Variants in NBAS observed in about 807,000 individuals in gnomAD.
The protein encoded by NBAS is NBAS subunit of NRZ tethering complex.
Under a neutral mutation model 302.5 loss-of-function variants are expected in NBAS, and 219 were observed. That is an observed-to-expected ratio of 0.72 (90% confidence interval 0.65 to 0.81). The LOEUF (loss-of-function observed/expected upper bound fraction) is 0.81. NBAS is among the 30% of genes least tolerant of loss of function. The pLI, the probability that NBAS is intolerant of heterozygous loss-of-function variation, is 0.00. For synonymous variants in NBAS, 1,118 were observed against 1,021.6 expected, an observed-to-expected ratio of 1.09 and a Z score of -1.80; for missense variants, 2,932 against 2,841.6, an observed-to-expected ratio of 1.03 and a Z score of -0.72.
At chr2:15,417,788 C>T (rs1455431159) in intron 23 of NBAS, 76 bp from the exon 24 acceptor site, 20 of 1,366,412 alleles carry the variant, frequency 1.5e-5, no homozygotes, top group Admixed American at 2.0e-5. Context: ...GTCTCCAGTA[C>T]AGAATCTAAT....
the NBAS span, among the ~76,000 whole-genome samples, chr2:14,996,153 G>C: frequency 6.6e-6 from 1 of 152,154 alleles, no homozygotes; most frequent in Non-Finnish European, 1.5e-5. Flanking sequence ...TCTGAATCCA[G>C]AGAAGACAGA....
the NBAS span, among the ~76,000 whole-genome samples, chr2:14,929,687 A>AT: frequency 2.1e-3 from 314 of 149,620 alleles, no homozygotes; most frequent in East Asian, 8.2e-3. Context: ...CCAACAGTAA[A>AT]TTTTTTTTTT....
At chr2:15,539,197 GT>G in intron 7 of NBAS, 25 bp downstream of exon 7, 1 of 1,613,760 alleles carries the variant, frequency 6.2e-7, no homozygotes, top group Non-Finnish European at 8.5e-7. Flanking sequence ...AAAAAACTAT[GT>G]TTTCAATTTA....
intron 40 of NBAS, among the ~76,000 whole-genome samples, chr2:15,297,425 C>T (rs769901243): frequency 6.6e-6 from 1 of 152,180 alleles, no homozygotes; most frequent in African/African-American, 2.4e-5. Flanking sequence ...CTGAAAAAGG[C>T]CCTGGTGGGA....
intron 26 of NBAS, among the ~76,000 whole-genome samples, chr2:15,399,867 GAAAGA>G (rs777498359): frequency 9.2e-5 from 14 of 152,176 alleles, no homozygotes; most frequent in South Asian, 4.2e-4. Flanking sequence ...AACAATACTA[GAAAGA>G]AAAGACAAGA....
chr2:14,980,596 T>G, the NBAS span, among the ~76,000 whole-genome samples: 1 of 152,256 alleles, frequency 6.6e-6, no homozygotes, highest in Admixed American at 6.5e-5. Flanking sequence ...AGAAACACTA[T>G]GCCCACCCAG....
the NBAS span, among the ~76,000 whole-genome samples, chr2:15,095,282 A>C: frequency 1.3e-5 from 2 of 152,184 alleles, no homozygotes; most frequent in African/African-American, 2.4e-5. Flanking sequence ...TAATTTACAA[A>C]AGAAAGAGGT....
chr2:15,500,057 T>C (rs1185322146), intron 11 of NBAS, among the ~76,000 whole-genome samples: 1 of 152,208 alleles, frequency 6.6e-6, no homozygotes, highest in African/African-American at 2.4e-5. Flanking sequence ...GTACTTTCTC[T>C]CAAACATTGC....
chr2:14,873,068 G>C, the NBAS span, among the ~76,000 whole-genome samples: 175 of 152,296 alleles, frequency 1.1e-3, no homozygotes, highest in African/African-American at 4.1e-3. Flanking sequence ...GGCTAGCTCG[G>C]GTGGACTGCG....
At chr2:15,142,686 G>A in the NBAS span, among the ~76,000 whole-genome samples, 1 of 152,188 alleles carries the variant, frequency 6.6e-6, no homozygotes, top group African/African-American at 2.4e-5. Flanking sequence ...GGTGCCGGCT[G>A]TAAAGTCTTC....
chr2:15,507,894 AGTCT>A (rs1444224809), intron 10 of NBAS, among the ~76,000 whole-genome samples: 3 of 152,260 alleles, frequency 2.0e-5, no homozygotes, highest in Non-Finnish European at 4.4e-5. Context: ...AATTTTGCAC[AGTCT>A]GTTTTACAAC....
At chr2:14,836,330 C>T in the NBAS span, among the ~76,000 whole-genome samples, 1 of 151,424 alleles carries the variant, frequency 6.6e-6, no homozygotes, top group African/African-American at 2.4e-5. Context: ...ATGGTTAATG[C>T]TTTTTGTGTC....
At chr2:14,969,702 T>A in the NBAS span, among the ~76,000 whole-genome samples, 353 of 152,120 alleles carry the variant, frequency 2.3e-3, no homozygotes, top group African/African-American at 8.2e-3. Flanking sequence ...TTAAATGCAG[T>A]GGAGAAAGGT....
the NBAS span, among the ~76,000 whole-genome samples, chr2:14,793,381 A>G: frequency 6.6e-6 from 1 of 152,188 alleles, no homozygotes; most frequent in African/African-American, 2.4e-5. Flanking sequence ...AAAGGTTATA[A>G]AAATAATCAA....
chr2:15,499,715 A>G (rs2148628419), intron 11 of NBAS, among the ~76,000 whole-genome samples: 1 of 152,340 alleles, frequency 6.6e-6, no homozygotes, highest in South Asian at 2.1e-4. Flanking sequence ...CCCTCATGAC[A>G]CAAGTTTACC....
In NBAS at chr2:15,276,884, G is replaced by A. The variant is rs556229592; in HGVS notation, c.5356C>T (p.Arg1786Ter). 25 of 1,614,002 alleles carry A rather than the reference G, an allele frequency of 1.5e-5. No individual in the cohort carries two copies. The highest frequency in any genetic ancestry group is 1.6e-4 in the Middle Eastern group (1 of 6,062). Residue 1786 changes from arginine (R) to a stop codon, truncating the protein, a stop_gained, in exon 43 of 52, where the codon CGA becomes TGA. Transcript: ENST00000281513. LOFTEE classifies it high-confidence loss of function. The part of the protein sequence containing the change: ...NCAIKPETHI[R>*]LLKKFKVVAS... ...ACAACCTTAAACTTCTTCAGCAGTC[G>A]AATGTGGGTTTCTGGTTTAATGGCA...
At chr2:14,863,914 C>G in the NBAS span, among the ~76,000 whole-genome samples, 1 of 152,320 alleles carries the variant, frequency 6.6e-6, no homozygotes, top group Non-Finnish European at 1.5e-5. Flanking sequence ...TCCTTGGTCT[C>G]ATATCAGTTC....
the NBAS span, among the ~76,000 whole-genome samples, chr2:15,109,343 C>T: frequency 6.6e-6 from 1 of 152,130 alleles, no homozygotes; most frequent in South Asian, 2.1e-4. Flanking sequence ...TAACTCAGTT[C>T]CACTGCTGTC....
At chr2:15,063,891 T>C in the NBAS span, among the ~76,000 whole-genome samples, 2 of 152,210 alleles carry the variant, frequency 1.3e-5, no homozygotes, top group Admixed American at 6.5e-5. Flanking sequence ...CAGTCTGTGA[T>C]GTTTTGTTAT....
Sources: gnomAD v4.1 joint callset for allele counts (sites outside exome capture counted in the v4.1 genomes callset) on GRCh38, gnomAD v4.1.1 for gene constraint, MANE v1.5 for transcripts, NCBI Gene and HGNC (gene_info 2026-07-23, HGNC 2026-07-21) for gene names.